The following FGF13 variants were observed in gnomAD, a reference collection of about 807,000 sequenced individuals.
FGF13 encodes fibroblast growth factor 13, also known as fibroblast growth factor homologous factor 2.
Under a neutral mutation model 19.5 loss-of-function variants are expected in FGF13, and 2 were observed. That is an observed-to-expected ratio of 0.10 (90% confidence interval 0.04 to 0.32). FGF13 has a LOEUF of 0.32. Among genes scored for constraint, FGF13 ranks in the 10% least tolerant of loss-of-function variants. FGF13 has a pLI of 1.00. For missense variants in FGF13, 113 were observed against 192.7 expected, an observed-to-expected ratio of 0.59 and a Z score of 2.45; for synonymous variants, 72 against 76.9, an observed-to-expected ratio of 0.94 and a Z score of 0.33.
chrX:138,636,173 T>A (rs2089181979), intron 3 of FGF13, among the ~76,000 whole-genome samples: 1 of 112,403 alleles, frequency 8.9e-6, no homozygotes, highest in Non-Finnish European at 1.9e-5. Flanking sequence ...AAAGCCTACC[T>A]TTTACTTTTA....
intron 1 of FGF13, among the ~76,000 whole-genome samples, chrX:139,169,252 A>G (rs1446883784): frequency 1.8e-5 from 2 of 111,938 alleles, no homozygotes; most frequent in Non-Finnish European, 3.8e-5. Context: ...TCTTCATGCT[A>G]TCTTCCCAAA....
chrX:139,041,589 T>G (rs897830866), intron 1 of FGF13, among the ~76,000 whole-genome samples: 6 of 111,849 alleles, frequency 5.4e-5, no homozygotes, highest in Admixed American at 2.8e-4. Flanking sequence ...TTAACTGGTA[T>G]TAGTGTGTTT....
At chrX:139,003,999 G>A (rs1241829137) in intron 1 of FGF13, among the ~76,000 whole-genome samples, 4 of 112,572 alleles carry the variant, frequency 3.6e-5, no homozygotes, top group African/African-American at 9.7e-5. Flanking sequence ...AGGTGGAGCT[G>A]CCTGCCAGTA....
At chrX:138,776,522 A>C (rs2090588817) in intron 3 of FGF13, among the ~76,000 whole-genome samples, 1 of 112,178 alleles carries the variant, frequency 8.9e-6, no homozygotes, top group African/African-American at 3.2e-5. Context: ...GATTTAAGTG[A>C]TATGCCAAAG....
At chrX:138,859,952 G>A (rs1226006901) in intron 2 of FGF13, among the ~76,000 whole-genome samples, 1 of 111,199 alleles carries the variant, frequency 9.0e-6, no homozygotes, top group African/African-American at 3.3e-5. Flanking sequence ...ACATTTCCTC[G>A]GAAATCGTGA....
chrX:138,809,036 T>C (rs1472108400), intron 3 of FGF13, among the ~76,000 whole-genome samples: 3 of 111,817 alleles, frequency 2.7e-5, no homozygotes, highest in Non-Finnish European at 5.6e-5. Flanking sequence ...GCTGGTACCA[T>C]TCCTTCTGAC....
At chrX:138,857,665 G>C in exon 3 of FGF13, 1 of 1,195,981 alleles carries the variant, frequency 8.4e-7, no homozygotes, top group Non-Finnish European at 1.1e-6. Flanking sequence ...GTGCCAGGGG[G>C]GGCGTCATCC....
chrX:138,936,150 G>A (rs968425589), intron 1 of FGF13, among the ~76,000 whole-genome samples: 1 of 112,151 alleles, frequency 8.9e-6, no homozygotes, highest in East Asian at 2.8e-4. Flanking sequence ...TGGGGCGAAG[G>A]CCCCACAGTC....
intron 1 of FGF13, among the ~76,000 whole-genome samples, chrX:139,096,294 G>C (rs1397957235): frequency 8.9e-6 from 1 of 112,049 alleles, no homozygotes; most frequent in African/African-American, 3.2e-5. Flanking sequence ...CTGTCTGGGG[G>C]AAACTGGGGG....
At chrX:138,828,780 C>T (rs2091052489) in intron 3 of FGF13, among the ~76,000 whole-genome samples, 1 of 109,573 alleles carries the variant, frequency 9.1e-6, no homozygotes, top group African/African-American at 3.3e-5. Context: ...GTATGCACCC[C>T]TCCCCCGCCA....
intron 1 of FGF13, among the ~76,000 whole-genome samples, chrX:139,040,218 A>G (rs1329063433): frequency 2.7e-5 from 3 of 112,366 alleles, no homozygotes; most frequent in Non-Finnish European, 5.6e-5. Context: ...GAGAAGTTGA[A>G]TAACTTGCCC....
chrX:138,688,102 C>T (rs771875961), intron 3 of FGF13, among the ~76,000 whole-genome samples: 28 of 109,069 alleles, frequency 2.6e-4, no homozygotes, highest in African/African-American at 9.3e-4. Flanking sequence ...ACTACAGGTG[C>T]GTGCCACCAT....
At chrX:139,047,028 T>C (rs995715154) in intron 1 of FGF13, among the ~76,000 whole-genome samples, 21 of 111,937 alleles carry the variant, frequency 1.9e-4, no homozygotes, top group African/African-American at 5.9e-4. Context: ...ATTCTCCTGG[T>C]TCAATCATTC....
intron 1 of FGF13, among the ~76,000 whole-genome samples, chrX:138,976,614 G>C (rs2091940822): frequency 2.7e-5 from 3 of 111,521 alleles, no homozygotes; most frequent in Admixed American, 1.9e-4. Flanking sequence ...CTACTCAGGT[G>C]ATGGGGGCAC....
chrX:138,867,301 C>T (rs2091331157), intron 1 of FGF13, among the ~76,000 whole-genome samples: 1 of 111,194 alleles, frequency 9.0e-6, no homozygotes, highest in African/African-American at 3.3e-5. Context: ...CACCTGTAGT[C>T]ATGGCTACTC....
chrX:138,758,448 G>A (rs1569385430), intron 3 of FGF13, among the ~76,000 whole-genome samples: 1 of 111,565 alleles, frequency 9.0e-6, no homozygotes, highest in Non-Finnish European at 1.9e-5. Flanking sequence ...CACTGAAACT[G>A]ACAAGAAAAA....
downstream of FGF13, among the ~76,000 whole-genome samples, chrX:138,853,137 G>C (rs1296251386): frequency 9.0e-6 from 1 of 111,615 alleles, no homozygotes. Flanking sequence ...CCCAACTCTA[G>C]CTTAGTGACA....
chrX:138,711,133 C>CG lies in FGF13; in HGVS notation c.-131dup. 9.1e-7 allele frequency: 1 copy of CG among 1,095,837 alleles called. No homozygotes were observed. The highest frequency in any genetic ancestry group is 2.3e-5 in the South Asian group (1 of 42,661). The allele number at this position is 1,095,837 out of a possible 1,213,427, so 90.3% of individuals were successfully genotyped here. ...TTGGTCTCCTTAGCCTGCGTTTGCCCGGGCTTCTCCGCACTCGGGCTTCAG... is the reference window on the plus strand; with the variant it reads ...TTGGTCTCCTTAGCCTGCGTTTGCCCGGGGCTTCTCCGCACTCGGGCTTCAG... On this transcript the variant is annotated 5_prime_UTR_variant, in exon 1 of 5. Transcript: ENST00000315930.
chrX:138,694,398 C>T (rs1181782867), intron 3 of FGF13, among the ~76,000 whole-genome samples: 2 of 109,058 alleles, frequency 1.8e-5, no homozygotes, highest in African/African-American at 6.6e-5. Context: ...TTTTTTATGA[C>T]ATTTTTTATT....
Sources: gnomAD v4.1 joint callset for allele counts (sites outside exome capture counted in the v4.1 genomes callset) on GRCh38, gnomAD v4.1.1 for gene constraint, MANE v1.5 for transcripts, NCBI Gene and HGNC (gene_info 2026-07-23, HGNC 2026-07-21) for gene names.